GNPTAB: variants seen among roughly 807,000 people sequenced by gnomAD.
The protein encoded by GNPTAB is N-acetylglucosamine-1-phosphate transferase subunits alpha and beta, also known as N-acetylglucosamine-1-phosphotransferase subunits alpha/beta.
Under a neutral mutation model 136.6 loss-of-function variants are expected in GNPTAB, and 92 were observed. The observed-to-expected ratio is 0.67, with a 90% CI of 0.57 to 0.80. The LOEUF is 0.80. Ranked by LOEUF, GNPTAB falls within the 30% of genes least tolerant of loss-of-function variation. GNPTAB has a pLI of 0.00. For synonymous variants in GNPTAB, 512 were observed against 535.1 expected (o/e 0.96, Z 0.60); for missense variants, 1,343 against 1,501.8 (o/e 0.89, Z 1.75).
intron 2 of GNPTAB, among the ~76,000 whole-genome samples, chr12:101,795,517 C>A (rs552532636): frequency 6.6e-6 from 1 of 152,168 alleles, no homozygotes; most frequent in South Asian, 2.1e-4. Flanking sequence ...CTTTGGAAGG[C>A]CGAGGCGGGT....
At chr12:101,822,566 G>A (rs1337866084) in intron 1 of GNPTAB, among the ~76,000 whole-genome samples, 2 of 152,196 alleles carry the variant, frequency 1.3e-5, no homozygotes, top group Non-Finnish European at 1.5e-5. Flanking sequence ...AGGTTACAGA[G>A]CAGAAAGAGA....
rs1359152149 is a variant in GNPTAB at position 101,786,189 on chromosome 12, G to A, written c.394C>T (p.His132Tyr). 6.2e-7 allele frequency: 1 copy of A among 1,613,650 alleles called. No homozygotes were observed. The highest frequency in any genetic ancestry group is 8.5e-7 in the Non-Finnish European group (1 of 1,179,842). The change falls in exon 5 of 21, where the codon CAC becomes TAC. Residue 132 changes from histidine to tyrosine, a missense_variant. By Grantham distance (83) the His-to-Tyr change is moderately conservative. Coordinates refer to ENST00000299314, the MANE Select transcript of GNPTAB (RefSeq NM_024312.5). ...SEKQLECLLT[H>Y]CIKVPMLVLD... ...ACAAGCATTGGCACCTTAATGCAGT[G>A]TGTTAGCAAACACTCTAACTGCTTC...
intron 1 of GNPTAB, among the ~76,000 whole-genome samples, chr12:101,819,960 CTG>C (rs1272717134): frequency 3.3e-5 from 5 of 152,162 alleles, no homozygotes; most frequent in African/African-American, 1.2e-4. Flanking sequence ...CAAGAAATCA[CTG>C]TGAGTTCTCC....
chr12:101,778,983 A>C (rs1953298988), intron 7 of GNPTAB: 4 of 151,632 alleles, frequency 2.6e-5, no homozygotes, highest in Admixed American at 6.6e-5. Context: ...ATTGTATTAC[A>C]AGGATAATAC....
In GNPTAB at chr12:101,746,705, A is replaced by G. The variant is rs1952740027; in HGVS notation, c.*459T>C. On this transcript the variant is annotated 3_prime_UTR_variant, in exon 21 of 21. Coordinates refer to ENST00000299314, the MANE Select transcript of GNPTAB (RefSeq NM_024312.5). Reference sequence around the variant, plus strand: ...CAATTCGTTATACTCAGAAGCAAGAATAACTAGTTAACTTAGTAACTACTT... The same window carrying G: ...CAATTCGTTATACTCAGAAGCAAGAGTAACTAGTTAACTTAGTAACTACTT... 1 of 162,630 alleles carries G rather than the reference A, an allele frequency of 6.1e-6. No individual in the cohort carries two copies. The highest frequency in any genetic ancestry group is 1.3e-5 in the Non-Finnish European group (1 of 74,206). 10.1% of individuals were successfully genotyped at this position (162,630 alleles called of 1,614,324 possible). A position where few individuals can be genotyped will look rare whatever the true frequency, so the allele number is the denominator to read the frequency against.
chr12:101,792,965 G>C (rs1338981005), intron 2 of GNPTAB, among the ~76,000 whole-genome samples: 1 of 152,092 alleles, frequency 6.6e-6, no homozygotes, highest in East Asian at 1.9e-4. Context: ...CAAGCTCTCA[G>C]GTAATGCTGA....
chr12:101,779,335 G>A (rs567102618), intron 7 of GNPTAB: 1 of 152,294 alleles, frequency 6.6e-6, no homozygotes, highest in South Asian at 2.1e-4. Flanking sequence ...GGACATTCAC[G>A]ATTTACAACC....
chr12:101,795,523 C>T (rs145135629), intron 2 of GNPTAB, among the ~76,000 whole-genome samples: 3,669 of 152,114 alleles, frequency 0.024, 60 homozygotes, highest in Non-Finnish European at 0.039. Flanking sequence ...AAGGCCGAGG[C>T]GGGTGGATCA....
intron 19 of GNPTAB, among the ~76,000 whole-genome samples, chr12:101,749,951 A>G (rs1952792501): frequency 6.6e-6 from 1 of 152,234 alleles, no homozygotes; most frequent in Admixed American, 6.5e-5. Context: ...AGGTGGGGGT[A>G]TGTGTGACAT....
At position 101,780,306 on chromosome 12, in the gene GNPTAB, A is replaced by G. The variant is rs536145396; in HGVS notation, c.637-20T>C. Reference sequence around the variant, plus strand: ...TGTTGTCTAAAATAAGGGGAAAAACATAACTCATTTTCCACATCATGAGGC... The same window carrying G: ...TGTTGTCTAAAATAAGGGGAAAAACGTAACTCATTTTCCACATCATGAGGC... On this transcript the variant is annotated intron_variant, in intron 6 of 20. Transcript: ENST00000299314. 17 of 1,613,562 alleles carry G rather than the reference A, an allele frequency of 1.1e-5. No individual in the cohort carries two copies. In the East Asian group the frequency reaches 3.3e-4, roughly 32 times the overall value.
In GNPTAB at chr12:101,770,017, T is replaced by C. The variant is rs886837567; in HGVS notation, c.1284+4A>G. The C allele has an allele frequency of 7.4e-6, 12 of 1,613,566 alleles. No homozygotes were observed. Among genetic ancestry groups the C allele is most frequent in the African/African-American group, 6.7e-5 (5 of 74,912 alleles). On this transcript the variant is annotated splice_donor_region_variant and intron_variant, in intron 10 of 20. Coordinates refer to ENST00000299314, the MANE Select transcript of GNPTAB (RefSeq NM_024312.5). ...AGACAACCCCCCTCCTCTTAGGCAC[T>C]CACCTTCTGGCCTTTGGAGTGACTG...
intron 19 of GNPTAB, among the ~76,000 whole-genome samples, chr12:101,750,321 T>C (rs1952797691): frequency 6.6e-6 from 1 of 152,200 alleles, no homozygotes; most frequent in African/African-American, 2.4e-5. Context: ...AAGTCACACA[T>C]CCAAAACGGC....
rs565284882 is a variant in GNPTAB at position 101,786,740 on chromosome 12, A to T, written c.366-523T>A. On this transcript the variant is annotated intron_variant, in intron 4 of 20. Transcript: ENST00000299314. ...TTCTATCTGATTATAAGAAATATCT[A>T]CAATAAACATATTACCTGAATAAAC... is the stretch of plus-strand genomic sequence containing the variant. Among the ~76,000 whole-genome samples the T allele has an allele frequency of 7.2e-5, 11 of 152,354 alleles. No homozygotes were observed. The East Asian group carries it at 2.1e-3, about 29-fold the overall frequency.
At position 101,761,643 on chromosome 12, in the gene GNPTAB, A is replaced by C; in HGVS notation, c.2836T>G (p.Phe946Val). The C allele has an allele frequency of 6.2e-7, 1 of 1,614,140 alleles. No homozygotes were observed. The highest frequency in any genetic ancestry group is 8.5e-7 in the Non-Finnish European group (1 of 1,180,000). ...GGGACTTTCCGCGATGTGAATCCAA[A>C]CTTGCTATTTAGAATTTTATTTACA... Reference protein sequence around the residue: ...RYVNKILNSKFGFTSRKVPAH... With the variant: ...RYVNKILNSKVGFTSRKVPAH... The change falls in exon 14 of 21, where the codon TTT becomes GTT. Residue 946 changes from phenylalanine to valine, a missense_variant. Transcript: ENST00000299314.
At chr12:101,824,505 C>T (rs1284471931) in intron 1 of GNPTAB, among the ~76,000 whole-genome samples, 3 of 134,208 alleles carry the variant, frequency 2.2e-5, no homozygotes, top group East Asian at 2.3e-4. Flanking sequence ...CTCACTCTGT[C>T]GCCCAAGCTG....
chr12:101,801,539 CAAAAAAAA>C lies in GNPTAB; in HGVS notation c.118-4785_118-4778del, dbSNP rs36066248. On this transcript the variant is annotated intron_variant, in intron 1 of 20. Transcript: ENST00000299314. Reference sequence around the variant, plus strand: ...TGGGTGACAGAAAGAGACCCTGTCTCAAAAAAAAAAAAAAAAAAAAAAAAAAAACTGGA... The same window carrying C: ...TGGGTGACAGAAAGAGACCCTGTCTCAAAAAAAAAAAAAAAAAAAACTGGA... Among the ~76,000 whole-genome samples the C allele has an allele frequency of 7.1e-3, 303 of 42,586 alleles. 4 individuals are homozygous for C. The highest frequency in any genetic ancestry group is 0.018 in the African/African-American group (259 of 14,250). The allele number at this position is 42,586 out of a possible 152,430, so 27.9% of individuals were successfully genotyped here. A position where few individuals can be genotyped will look rare whatever the true frequency, so the allele number is the denominator to read the frequency against.
At chr12:101,772,920 G>T (rs1953200687) in intron 7 of GNPTAB, among the ~76,000 whole-genome samples, 1 of 152,180 alleles carries the variant, frequency 6.6e-6, no homozygotes, top group African/African-American at 2.4e-5. Flanking sequence ...GGGTTCAAGT[G>T]ATTCTCCTGC....
At chr12:101,787,840 G>T (rs1428153270) in intron 4 of GNPTAB, among the ~76,000 whole-genome samples, 5 of 150,466 alleles carry the variant, frequency 3.3e-5, no homozygotes, top group Non-Finnish European at 5.9e-5. Flanking sequence ...TTGAACCTGG[G>T]AGGCGGAGGT....
chr12:101,770,588 G>A lies in GNPTAB; in HGVS notation c.934-3C>T. 6.2e-7 allele frequency: 1 copy of A among 1,608,422 alleles called. No homozygotes were observed. Among genetic ancestry groups the A allele is most frequent in the Non-Finnish European group, 8.5e-7 (1 of 1,175,088 alleles). On this transcript the variant is annotated splice_polypyrimidine_tract_variant and splice_region_variant and intron_variant, in intron 8 of 20. Transcript: ENST00000299314. Reference sequence around the variant, plus strand: ...GAGATGTCTTCATCCTGCTTAGACTGAGAAAAACACTTGGCATATGAAGAT... The same window carrying A: ...GAGATGTCTTCATCCTGCTTAGACTAAGAAAAACACTTGGCATATGAAGAT...
Sources: allele counts gnomAD v4.1 joint callset (sites outside exome capture counted in the v4.1 genomes callset), GRCh38; gene constraint gnomAD v4.1.1; transcripts MANE v1.5; gene names NCBI Gene and HGNC (gene_info 2026-07-23, HGNC 2026-07-21).